Variants in DHRSX observed in about 807,000 individuals in gnomAD.
DHRSX encodes the protein dehydrogenase/reductase X-linked.
In DHRSX, 31 loss-of-function variants were observed where a neutral mutation model predicts 34.0. That is an observed-to-expected ratio of 0.91 (90% CI 0.69 to 1.23). DHRSX has a LOEUF of 1.23. Among genes scored for constraint, DHRSX ranks in the 50% most tolerant of loss-of-function variants. The pLI, the probability that DHRSX is intolerant of heterozygous loss-of-function variation, is 0.00. For missense variants in DHRSX, 414 were observed against 428.1 expected (o/e 0.97, Z 0.29); for synonymous variants, 201 against 183.8 (o/e 1.09, Z -0.76).
At chrX:2,343,903 C>A (rs1331721254) in intron 3 of DHRSX, among the ~76,000 whole-genome samples, 1 of 152,126 alleles carries the variant, frequency 6.6e-6, no homozygotes, top group Non-Finnish European at 1.5e-5. Context: ...GGAGCCTGTG[C>A]GCCTGTAGCT....
At chrX:2,250,007 C>T (rs1256696769) in intron 5 of DHRSX, among the ~76,000 whole-genome samples, 4 of 151,530 alleles carry the variant, frequency 2.6e-5, no homozygotes, top group African/African-American at 9.7e-5. Context: ...ATTAAAAATA[C>T]AAAAAGTTAG....
chrX:2,225,778 C>T (rs1342880546), intron 6 of DHRSX, among the ~76,000 whole-genome samples: 1 of 151,802 alleles, frequency 6.6e-6, no homozygotes, highest in Non-Finnish European at 1.5e-5. Flanking sequence ...GGAGAGAGAC[C>T]TCAGGAGGAA....
chrX:2,304,380 G>C (rs2042076038), intron 3 of DHRSX, among the ~76,000 whole-genome samples: 2 of 151,958 alleles, frequency 1.3e-5, no homozygotes, highest in Non-Finnish European at 2.9e-5. Flanking sequence ...TGGATGAATT[G>C]ATAGATGGGT....
At chrX:2,304,350 T>C (rs183233534) in intron 3 of DHRSX, among the ~76,000 whole-genome samples, 2,715 of 150,954 alleles carry the variant, frequency 0.018, 110 homozygotes, top group African/African-American at 0.063. Context: ...GATGGATGGA[T>C]GGATGGATGG....
intron 3 of DHRSX, among the ~76,000 whole-genome samples, chrX:2,398,283 A>G (rs1333322836): frequency 6.6e-6 from 1 of 152,188 alleles, no homozygotes; most frequent in East Asian, 1.9e-4. Context: ...GGTGGGCTCC[A>G]AGACTTGGGA....
chrX:2,372,231 T>C (rs2043080986), intron 3 of DHRSX, among the ~76,000 whole-genome samples: 1 of 152,140 alleles, frequency 6.6e-6, no homozygotes, highest in African/African-American at 2.4e-5. Flanking sequence ...TTCACAATTT[T>C]AATGGTGAAT....
At chrX:2,483,977 C>G (rs1288596188) in intron 1 of DHRSX, among the ~76,000 whole-genome samples, 21 of 152,032 alleles carry the variant, frequency 1.4e-4, no homozygotes, top group Non-Finnish European at 2.6e-4. Context: ...TTAGTGCCCA[C>G]GAAGTGGGAG....
At chrX:2,371,360 C>T (rs59272388) in intron 3 of DHRSX, among the ~76,000 whole-genome samples, 7,019 of 130,816 alleles carry the variant, frequency 0.054, 211 homozygotes, top group African/African-American at 0.11. Flanking sequence ...AGTCCCTCCT[C>T]CCATTACTAT....
chrX:2,246,869 A>C (rs2016310329), intron 5 of DHRSX, among the ~76,000 whole-genome samples: 2 of 152,318 alleles, frequency 1.3e-5, no homozygotes, highest in East Asian at 3.9e-4. Context: ...AAAACCAAAA[A>C]GATCAAAGCA....
chrX:2,333,362 C>T (rs886814260), intron 3 of DHRSX, among the ~76,000 whole-genome samples: 1 of 152,066 alleles, frequency 6.6e-6, no homozygotes, highest in African/African-American at 2.4e-5. Context: ...AGGCAAATTA[C>T]GTGACATGGG....
chrX:2,466,660 C>G lies in DHRSX; in HGVS notation c.109+34157G>C, dbSNP rs923187692. On this transcript the variant is annotated intron_variant, in intron 1 of 6. Transcript: ENST00000334651. ...TGGAGGGTGGGAGAAATGAGAGGAT[C>G]GAAAAACTACCTATCAGGTGGTACT... Among the ~76,000 whole-genome samples, 37 of 151,858 alleles carry G rather than the reference C, an allele frequency of 2.4e-4. 1 individual carries two copies. The highest frequency in any genetic ancestry group is 6.6e-5 in the Admixed American group (1 of 15,230).
chrX:2,230,398 C>A (rs2015849098), intron 6 of DHRSX, among the ~76,000 whole-genome samples: 1 of 152,096 alleles, frequency 6.6e-6, no homozygotes, highest in Non-Finnish European at 1.5e-5. Context: ...CACACACAAA[C>A]CTGCTCTTAC....
At chrX:2,443,404 C>T (rs978106279) in intron 1 of DHRSX, among the ~76,000 whole-genome samples, 31 of 152,098 alleles carry the variant, frequency 2.0e-4, no homozygotes, top group African/African-American at 6.0e-4. Context: ...AAACCAAAGG[C>T]AAACAAGTCC....
At chrX:2,352,772 C>T (rs374908065) in intron 3 of DHRSX, among the ~76,000 whole-genome samples, 1 of 152,160 alleles carries the variant, frequency 6.6e-6, no homozygotes, top group Non-Finnish European at 1.5e-5. Context: ...GCAAATAAAA[C>T]AGACCTACAA....
At chrX:2,443,580 T>C (rs2044089141) in intron 1 of DHRSX, among the ~76,000 whole-genome samples, 1 of 152,106 alleles carries the variant, frequency 6.6e-6, no homozygotes. Flanking sequence ...ATGACAGCAT[T>C]TGGGCTCTGC....
At chrX:2,450,157 T>C (rs1366697622) in intron 1 of DHRSX, among the ~76,000 whole-genome samples, 6 of 151,378 alleles carry the variant, frequency 4.0e-5, no homozygotes, top group Non-Finnish European at 8.8e-5. Context: ...TACCAATAAA[T>C]AAATAAATAA....
At chrX:2,448,523 G>GAATATGTTAATTAGCTTGTT (rs2044171030) in intron 1 of DHRSX, among the ~76,000 whole-genome samples, 1 of 145,396 alleles carries the variant, frequency 6.9e-6, no homozygotes, top group Non-Finnish European at 1.5e-5. Flanking sequence ...AAGGTTATGT[G>GAATATGTTAATTAGCTTGTT]AATATGTTAA....
chrX:2,314,266 AGGAGGGAATGAG>A (rs1569487192), intron 3 of DHRSX, among the ~76,000 whole-genome samples: 51 of 11,900 alleles, frequency 4.3e-3, no homozygotes, highest in Non-Finnish European at 6.3e-3. Flanking sequence ...GAGGGAATGA[AGGAGGGAATGAG>A]GGAGGGAAGG....
chrX:2,396,375 CTTTT>C (rs1204243041), intron 3 of DHRSX, among the ~76,000 whole-genome samples: 1 of 99,224 alleles, frequency 1.0e-5, no homozygotes, highest in East Asian at 3.0e-4. Flanking sequence ...CTTTCTTTTT[CTTTT>C]TTTTTTTTTT....
Sources: gnomAD v4.1 joint callset for allele counts (sites outside exome capture counted in the v4.1 genomes callset) on GRCh38, gnomAD v4.1.1 for gene constraint, MANE v1.5 for transcripts, NCBI Gene and HGNC (gene_info 2026-07-23, HGNC 2026-07-21) for gene names.